The following CSMD1 variants were observed in gnomAD, a reference collection of about 807,000 sequenced individuals.
CSMD1 encodes the protein CUB and sushi domain-containing protein 1.
CSMD1 carries 213 observed loss-of-function variants against 417.5 expected under a neutral mutation model. The ratio of observed to expected loss-of-function variants is 0.51; its 90% confidence interval spans 0.46 to 0.57. CSMD1 has a LOEUF of 0.57. Ranked by LOEUF, CSMD1 falls within the 20% of genes least tolerant of loss-of-function variation. The probability of loss-of-function intolerance (pLI) is 0.00; values close to 1 mark genes in which losing one functional copy is unlikely to be tolerated. For missense variants in CSMD1, 6,923 were observed against 4,529.7 expected (o/e 1.53, Z -15.17); for synonymous variants, 2,862 against 1,736.8 (o/e 1.65, Z -16.11).
At chr8:3,299,945 A>G (rs1331986833) in intron 25 of CSMD1, among the ~76,000 whole-genome samples, 5 of 152,216 alleles carry the variant, frequency 3.3e-5, no homozygotes, top group African/African-American at 1.2e-4. Context: ...ATAAAAATTG[A>G]AATGTGCAAA....
rs182486320 is a variant in CSMD1 at position 3,944,268 on chromosome 8, C to A, written c.818+53635G>T. Reference sequence around the variant, plus strand: ...AAAGGTGTCTCCTTCAAAGAGAGAGCAAAGTAGAGAAATCAAACCTGTCAG... The same window carrying A: ...AAAGGTGTCTCCTTCAAAGAGAGAGAAAAGTAGAGAAATCAAACCTGTCAG... On this transcript the variant is annotated intron_variant, in intron 5 of 69. Transcript: ENST00000635120. Among the ~76,000 whole-genome samples, 618 of 152,160 alleles carry A rather than the reference C, an allele frequency of 4.1e-3. 3 individuals carry two copies. Among genetic ancestry groups the A allele is most frequent in the African/African-American group, 0.014 (581 of 41,542 alleles).
intron 23 of CSMD1, among the ~76,000 whole-genome samples, chr8:3,310,897 T>C (rs1584977168): frequency 6.6e-6 from 1 of 151,840 alleles, no homozygotes; most frequent in African/African-American, 2.4e-5. Flanking sequence ...TAAAAAAAGT[T>C]TTTAAAAAGA....
chr8:3,086,203 T>A (rs915125375), intron 49 of CSMD1, among the ~76,000 whole-genome samples: 10 of 151,422 alleles, frequency 6.6e-5, no homozygotes, highest in Non-Finnish European at 1.5e-5. Context: ...GAAAAAAAAA[T>A]TATCATTCTA....
intron 10 of CSMD1, among the ~76,000 whole-genome samples, chr8:3,511,542 G>T (rs1797067382): frequency 6.6e-6 from 1 of 151,506 alleles, no homozygotes; most frequent in Admixed American, 6.6e-5. Flanking sequence ...ATCACTTGAG[G>T]TCAGGAATTT....
intron 3 of CSMD1, among the ~76,000 whole-genome samples, chr8:4,320,936 C>G (rs1799240580): frequency 6.6e-6 from 1 of 152,270 alleles, no homozygotes; most frequent in East Asian, 1.9e-4. Context: ...CCTCTCCTCC[C>G]AGTGTGAGGT....
chr8:4,094,879 G>C (rs1330072454), intron 3 of CSMD1, among the ~76,000 whole-genome samples: 1 of 152,200 alleles, frequency 6.6e-6, no homozygotes, highest in African/African-American at 2.4e-5. Flanking sequence ...TATTGTGTAT[G>C]TTAAAAGACA....
intron 3 of CSMD1, among the ~76,000 whole-genome samples, chr8:4,274,930 T>C (rs1223640977): frequency 6.6e-6 from 1 of 152,162 alleles, no homozygotes; most frequent in Non-Finnish European, 1.5e-5. Flanking sequence ...TTGGCCACAT[T>C]CATATTTTCT....
intron 26 of CSMD1, among the ~76,000 whole-genome samples, chr8:3,283,764 T>G (rs1254287939): frequency 2.0e-5 from 3 of 152,190 alleles, no homozygotes; most frequent in Admixed American, 1.3e-4. Context: ...GAGACTTAAG[T>G]TCCTCCCCGT....
intron 1 of CSMD1, among the ~76,000 whole-genome samples, chr8:4,918,460 C>A (rs372977048): frequency 8.5e-5 from 13 of 152,078 alleles, no homozygotes; most frequent in African/African-American, 2.9e-4. Context: ...CTTCATTACC[C>A]ATTTTCTAAC....
intron 5 of CSMD1, among the ~76,000 whole-genome samples, chr8:3,769,910 G>A (rs762723604): frequency 8.7e-4 from 132 of 152,300 alleles, no homozygotes; most frequent in Non-Finnish European, 1.6e-3. Flanking sequence ...TTTGAGAAAT[G>A]CCTATTGCAA....
intron 3 of CSMD1, among the ~76,000 whole-genome samples, chr8:4,411,996 G>GTT (rs1353084730): frequency 7.0e-6 from 1 of 143,170 alleles, no homozygotes; most frequent in Non-Finnish European, 1.5e-5. Context: ...AAGGGTGTGT[G>GTT]TGTGTGTGTG....
intron 5 of CSMD1, among the ~76,000 whole-genome samples, chr8:3,841,182 A>G (rs1463851207): frequency 2.0e-5 from 3 of 152,170 alleles, no homozygotes; most frequent in Non-Finnish European, 2.9e-5. Context: ...GTTTTTATGT[A>G]TGTAATACAA....
chr8:3,646,246 C>G, intron 7 of CSMD1, among the ~76,000 whole-genome samples: 1 of 151,934 alleles, frequency 6.6e-6, no homozygotes, highest in East Asian at 1.9e-4. Flanking sequence ...GAAAAAGAAA[C>G]GTGATATGCT....
chr8:3,920,125 C>T (rs1424407474), intron 5 of CSMD1, among the ~76,000 whole-genome samples: 1 of 152,056 alleles, frequency 6.6e-6, no homozygotes, highest in Non-Finnish European at 1.5e-5. Flanking sequence ...TCATGACTTT[C>T]CACACTCAGG....
intron 3 of CSMD1, among the ~76,000 whole-genome samples, chr8:4,296,152 G>A (rs1312196077): frequency 6.6e-6 from 1 of 152,022 alleles, no homozygotes; most frequent in African/African-American, 2.4e-5. Flanking sequence ...TGGAAGGTGT[G>A]GTCAAACTAT....
chr8:3,772,159 A>C (rs1798606625), intron 5 of CSMD1, among the ~76,000 whole-genome samples: 1 of 119,580 alleles, frequency 8.4e-6, no homozygotes, highest in Admixed American at 9.5e-5. Flanking sequence ...AATTCTCAGA[A>C]AGGGCAACAT....
chr8:3,003,661 G>C (rs1164203765), intron 52 of CSMD1, among the ~76,000 whole-genome samples: 1 of 152,210 alleles, frequency 6.6e-6, no homozygotes, highest in Admixed American at 6.5e-5. Flanking sequence ...CACAATCGCA[G>C]AGGGTAAACG....
intron 11 of CSMD1, among the ~76,000 whole-genome samples, chr8:3,484,058 G>C (rs1817888727): frequency 6.6e-6 from 1 of 152,104 alleles, no homozygotes; most frequent in African/African-American, 2.4e-5. Flanking sequence ...ACATTGCTGG[G>C]AGTATACATG....
At chr8:4,392,984 AC>A (rs1447242863) in intron 3 of CSMD1, among the ~76,000 whole-genome samples, 9 of 152,000 alleles carry the variant, frequency 5.9e-5, no homozygotes, top group Non-Finnish European at 1.2e-4. Context: ...TAAAAAACAA[AC>A]AAAAAAGAGA....
Sources: allele counts gnomAD v4.1 joint callset (sites outside exome capture counted in the v4.1 genomes callset), GRCh38; gene constraint gnomAD v4.1.1; transcripts MANE v1.5; gene names NCBI Gene and HGNC (gene_info 2026-07-23, HGNC 2026-07-21).